FADS2: variants seen among roughly 807,000 people sequenced by gnomAD.
FADS2 encodes fatty acid desaturase 2.
Under a neutral mutation model 61.2 loss-of-function variants are expected in FADS2, and 18 were observed. The ratio of observed to expected loss-of-function variants is 0.29; its 90% CI spans 0.20 to 0.44. The LOEUF (loss-of-function observed/expected upper bound fraction) is 0.44, where lower values mean the gene tolerates loss of function less well. FADS2 is among the 20% of genes least tolerant of loss of function. The pLI, the probability that FADS2 is intolerant of heterozygous loss-of-function variation, is 1.00. For missense variants in FADS2, 322 were observed against 572.7 expected, an observed-to-expected ratio of 0.56 and a Z score of 4.47; for synonymous variants, 203 against 223.9, an observed-to-expected ratio of 0.91 and a Z score of 0.83.
In FADS2 at chr11:61,849,557, C is replaced by T. The variant is rs541435559; in HGVS notation, c.744+1273C>T. On this transcript the variant is annotated intron_variant, in intron 5 of 11. Coordinates refer to ENST00000278840, the MANE Select transcript of FADS2 (RefSeq NM_004265.4). ...TGAGCTATGATCACACCACTGCACTCCAGCCTGGGTAACAGAGCAAAGCTA... is the reference window on the plus strand; with the variant it reads ...TGAGCTATGATCACACCACTGCACTTCAGCCTGGGTAACAGAGCAAAGCTA... Among the ~76,000 whole-genome samples the T allele has an allele frequency of 6.6e-5, 10 of 151,872 alleles. No homozygotes were observed. In the South Asian group the frequency reaches 1.5e-3, roughly 22 times the overall value.
intron 10 of FADS2, 185 bp downstream of exon 10, chr11:61,863,971 C>T (rs3168073): frequency 1.7e-6 from 1 of 591,552 alleles, no homozygotes; most frequent in Non-Finnish European, 3.1e-6. Flanking sequence ...CCTATTCCAT[C>T]TCCCTGAGGG....
chr11:61,864,491 T>A (rs111557574), intron 10 of FADS2, among the ~76,000 whole-genome samples: 2,771 of 152,264 alleles, frequency 0.018, 83 homozygotes, highest in East Asian at 0.066. Context: ...CCTACCAGGT[T>A]CAAGCAATTC....
intron 4 of FADS2, among the ~76,000 whole-genome samples, chr11:61,844,919 C>T (rs1343822267): frequency 7.1e-6 from 1 of 140,936 alleles, no homozygotes; most frequent in African/African-American, 2.7e-5. Context: ...AGGAAGACTC[C>T]GTCTCAAAAA....
chr11:61,848,430 G>A, intron 5 of FADS2, 146 bp downstream of exon 5: 1 of 1,412,672 alleles, frequency 7.1e-7, no homozygotes. Context: ...CTAAGGGGTT[G>A]GTGTTGACCT....
At chr11:61,829,073 A>AG (rs2067106448) in intron 1 of FADS2, 1 of 155,750 alleles carries the variant, frequency 6.4e-6, no homozygotes, top group Non-Finnish European at 1.4e-5. Flanking sequence ...GGTGGCGAGA[A>AG]GGAAAGCTCG....
Position 61,828,375 on chromosome 11 carries a change from A to G in FADS2, c.-16A>G. 3 of 1,552,878 alleles carry G rather than the reference A, an allele frequency of 1.9e-6. No individual in the cohort carries two copies. The highest frequency in any genetic ancestry group is 1.7e-6 in the Non-Finnish European group (2 of 1,148,944). On this transcript the variant is annotated 5_prime_UTR_variant, in exon 1 of 12. Transcript: ENST00000278840. The surrounding 1 kb of genome is among the most constrained non-coding windows in gnomAD (Gnocchi z 6.4). ...GGGAGGCCGCAGTGCACGGGGCGTC[A>G]CAGTCGGCAGGCAGCATGGGGAAGG...
intron 4 of FADS2, among the ~76,000 whole-genome samples, chr11:61,842,414 C>T (rs1298997809): frequency 6.6e-6 from 1 of 152,254 alleles, no homozygotes; most frequent in Non-Finnish European, 1.5e-5. Context: ...ACATTTAACT[C>T]CTGACCCATG....
chr11:61,859,044 A>G (rs572504793), intron 7 of FADS2, among the ~76,000 whole-genome samples: 4 of 151,828 alleles, frequency 2.6e-5, no homozygotes, highest in African/African-American at 7.2e-5. Flanking sequence ...TTGTTTATTG[A>G]TTACTGTTTT....
chr11:61,832,210 C>G (rs1395412465), intron 1 of FADS2, among the ~76,000 whole-genome samples: 1 of 152,180 alleles, frequency 6.6e-6, no homozygotes, highest in Non-Finnish European at 1.5e-5. Context: ...GAGAAGAGAC[C>G]AGAGGTTTGT....
rs151219723 is a variant in FADS2, at chr11:61,857,030, A to G, written c.764A>G (p.Lys255Arg). 6.2e-7 allele frequency: 1 copy of G among 1,613,986 alleles called. No homozygotes were observed. Among genetic ancestry groups the G allele is most frequent in the African/African-American group, 1.3e-5 (1 of 75,000 alleles). The change falls in exon 6 of 12, where the codon AAA becomes AGA. Residue 255 changes from lysine (K) to arginine (R), a missense_variant. Physicochemically the swap from Lys to Arg is conservative, Grantham distance 26. Coordinates refer to ENST00000278840, the MANE Select transcript of FADS2 (RefSeq NM_004265.4). ...QPIEYGKKKL[K>R]YLPYNHQHEY... ...CCTCAGTACGGCAAGAAGAAGCTGAAATACCTGCCCTACAATCACCAGCAC... is the reference window on the plus strand; with the variant it reads ...CCTCAGTACGGCAAGAAGAAGCTGAGATACCTGCCCTACAATCACCAGCAC...
rs537646572 is a variant in FADS2 at position 61,864,211 on chromosome 11, T to C, written c.1157+425T>C. ...GTTTTTTTTTTTTTTTATTAAAAAA[T>C]AAAAAATGTAGAGACAGAGTCTCAC... On this transcript the variant is annotated intron_variant, in intron 10 of 11. Coordinates refer to ENST00000278840, the MANE Select transcript of FADS2 (RefSeq NM_004265.4). 1.5e-3 allele frequency: 232 copies of C among 154,772 alleles called. 2 individuals are homozygous for C. The highest frequency in any genetic ancestry group is 5.6e-3 in the African/African-American group (228 of 40,920). 9.6% of individuals were successfully genotyped at this position (154,772 alleles called of 1,614,324 possible). A position where few individuals can be genotyped will look rare whatever the true frequency, so the allele number is the denominator to read the frequency against.
upstream of FADS2, chr11:61,816,234 G>A: frequency 6.3e-7 from 1 of 1,594,644 alleles, no homozygotes; most frequent in Non-Finnish European, 8.5e-7. This position sits in a 1 kb window ranked among gnomAD's most constrained non-coding sequence, Gnocchi z 7.0. Flanking sequence ...AGCCTACCCA[G>A]CTCGGGGTTC....
At chr11:61,846,873 T>C (rs914933059) in intron 4 of FADS2, 2 of 152,140 alleles carry the variant, frequency 1.3e-5, no homozygotes, top group African/African-American at 4.8e-5. Flanking sequence ...GCCTTCCTGG[T>C]GTGACACGAA....
chr11:61,829,839 A>C (rs1193680058), intron 1 of FADS2, among the ~76,000 whole-genome samples: 1 of 152,142 alleles, frequency 6.6e-6, no homozygotes, highest in Non-Finnish European at 1.5e-5. Context: ...CACCTCTTGC[A>C]TCTCATGGAG....
At chr11:61,823,333 CTAG>C (rs2067047644), upstream of FADS2, among the ~76,000 whole-genome samples, 1 of 152,204 alleles carries the variant, frequency 6.6e-6, no homozygotes. Context: ...CCTGGACCTG[CTAG>C]TCCACCTACT....
intron 4 of FADS2, among the ~76,000 whole-genome samples, chr11:61,845,817 A>G (rs929802731): frequency 6.6e-6 from 1 of 151,018 alleles, no homozygotes; most frequent in East Asian, 1.9e-4. Flanking sequence ...GAAGAGAATC[A>G]CAGCAGAGGA....
chr11:61,835,815 T>G (rs1443125540), intron 1 of FADS2, among the ~76,000 whole-genome samples: 2 of 152,218 alleles, frequency 1.3e-5, no homozygotes, highest in Non-Finnish European at 2.9e-5. Flanking sequence ...GCGTTTTTCC[T>G]CTTTATATGT....
chr11:61,825,190 T>C (rs1305672287), upstream of FADS2, among the ~76,000 whole-genome samples: 1 of 152,236 alleles, frequency 6.6e-6, no homozygotes, highest in African/African-American at 2.4e-5. Context: ...TCCCTCATCT[T>C]GGTAAATGGT....
At chr11:61,863,982 T>G (rs518511) in intron 10 of FADS2, 196 bp downstream of exon 10, 47,152 of 564,980 alleles carry the variant, frequency 0.083, 2,267 homozygotes, top group Middle Eastern at 0.12. Flanking sequence ...TCCCTGAGGG[T>G]CATCCTGTGC....
Sources: allele counts gnomAD v4.1 joint callset (sites outside exome capture counted in the v4.1 genomes callset), GRCh38; gene constraint gnomAD v4.1.1; non-coding constraint Gnocchi (gnomAD v3.1); transcripts MANE v1.5; gene names NCBI Gene and HGNC (gene_info 2026-07-23, HGNC 2026-07-21).